Variants in RFX3 observed in about 807,000 individuals in gnomAD.
RFX3 encodes regulatory factor X3, also known as transcription factor RFX3.
RFX3 carries 14 observed loss-of-function variants against 98.6 expected under a neutral mutation model. The ratio of observed to expected loss-of-function variants is 0.14; its 90% confidence interval spans 0.09 to 0.22. The LOEUF (loss-of-function observed/expected upper bound fraction) is 0.22, where lower values mean the gene tolerates loss of function less well. Among genes scored for constraint, RFX3 ranks in the 10% least tolerant of loss-of-function variants. The pLI, the probability that RFX3 is intolerant of heterozygous loss-of-function variation, is 1.00. For missense variants in RFX3, 639 were observed against 926.9 expected (o/e 0.69, Z 4.03); for synonymous variants, 383 against 328.4 (o/e 1.17, Z -1.80).
chr9:3,410,479 G>A lies in RFX3; in HGVS notation c.-8-14883C>T, dbSNP rs375912589. Among the ~76,000 whole-genome samples, 199 of 152,024 alleles carry A rather than the reference G, an allele frequency of 1.3e-3. 1 individual carries two copies. The highest frequency in any genetic ancestry group is 4.6e-3 in the African/African-American group (189 of 41,466). On this transcript the variant is annotated intron_variant, in intron 1 of 16. Transcript: ENST00000617270. ...AAAAAGACTAATTTCTAGTTTTCCT[G>A]GAAGAGGGAAAAAGCAAAATTCAAC...
At chr9:3,487,800 T>C (rs561402433) in intron 1 of RFX3, among the ~76,000 whole-genome samples, 1 of 152,316 alleles carries the variant, frequency 6.6e-6, no homozygotes, top group Non-Finnish European at 1.5e-5. Flanking sequence ...AAATATGATT[T>C]AAAAATTATT....
intron 15 of RFX3, among the ~76,000 whole-genome samples, chr9:3,242,567 C>A (rs1024256386): frequency 1.6e-4 from 24 of 152,230 alleles, no homozygotes; most frequent in African/African-American, 5.5e-4. Flanking sequence ...TTTGATTTTA[C>A]TTTAAGCACC....
intron 4 of RFX3, among the ~76,000 whole-genome samples, chr9:3,311,320 G>A (rs2991301): frequency 0.13 from 19,075 of 152,162 alleles, 1,259 homozygotes; most frequent in Middle Eastern, 0.19. Flanking sequence ...GATCAGGTAA[G>A]ACAGAACATT....
At chr9:3,381,892 T>G (rs1468121999) in intron 2 of RFX3, among the ~76,000 whole-genome samples, 1 of 152,190 alleles carries the variant, frequency 6.6e-6, no homozygotes, top group East Asian at 1.9e-4. Context: ...AAAAGTTATA[T>G]ATATTACTAC....
At chr9:3,371,227 G>C (rs950413077) in intron 2 of RFX3, among the ~76,000 whole-genome samples, 1 of 152,120 alleles carries the variant, frequency 6.6e-6, no homozygotes, top group Non-Finnish European at 1.5e-5. Flanking sequence ...TCTGTTCATA[G>C]TGCTAGCAAT....
In RFX3 at chr9:3,493,415, T is replaced by C. The variant is rs537729182; in HGVS notation, c.-9+32332A>G. Among the ~76,000 whole-genome samples the C allele has an allele frequency of 5.0e-4, 76 of 152,128 alleles. No homozygotes were observed. The East Asian group carries it at 0.014, about 28-fold the overall frequency. On this transcript the variant is annotated intron_variant, in intron 1 of 16. Coordinates refer to ENST00000617270, the MANE Select transcript of RFX3 (RefSeq NM_001282116.2). ...AAAATATACACTGGGCCAGGCGCGG[T>C]GGCTCACACCTGTAATCCCAGCACT...
chr9:3,395,538 T>C lies in RFX3; in HGVS notation c.51A>G (p.Gln17=). The change falls in exon 2 of 17, where the codon CAA becomes CAG. Residue 17 remains glutamine (Q), a synonymous_variant. Coordinates refer to ENST00000617270, the MANE Select transcript of RFX3 (RefSeq NM_001282116.2). ...CTGCTGCTTGACTAGCCACAGATGT[T>C]TGTAAGGTCACTGTCGAGCCTGTGT... ...GSDTGSTVTL[Q]TSVASQAAVP... The C allele has an allele frequency of 1.2e-6, 2 of 1,614,146 alleles. No homozygotes were observed. The highest frequency in any genetic ancestry group is 1.7e-6 in the Non-Finnish European group (2 of 1,179,992).
intron 1 of RFX3, among the ~76,000 whole-genome samples, chr9:3,504,941 TA>T (rs1564185902): frequency 8.3e-5 from 6 of 72,516 alleles, no homozygotes; most frequent in South Asian, 4.0e-4. Context: ...ATATAATATA[TA>T]TAATATAATA....
chr9:3,407,547 G>T (rs1842076705), intron 1 of RFX3, among the ~76,000 whole-genome samples: 1 of 152,054 alleles, frequency 6.6e-6, no homozygotes, highest in African/African-American at 2.4e-5. Flanking sequence ...AAGTCAAGGA[G>T]CAACATGTTG....
chr9:3,266,149 G>C, intron 12 of RFX3, 59 bp downstream of exon 12: 1 of 1,002,410 alleles, frequency 1.0e-6, no homozygotes, highest in African/African-American at 1.6e-5. Context: ...TAGATGTAAA[G>C]TTCACAATTC....
intron 1 of RFX3, among the ~76,000 whole-genome samples, chr9:3,464,689 G>A (rs922813812): frequency 5.9e-5 from 9 of 152,134 alleles, no homozygotes; most frequent in African/African-American, 2.2e-4. Flanking sequence ...GGTTGTAATG[G>A]TGGAACACAA....
intron 2 of RFX3, among the ~76,000 whole-genome samples, chr9:3,358,568 C>T (rs1836041352): frequency 6.6e-6 from 1 of 152,100 alleles, no homozygotes; most frequent in African/African-American, 2.4e-5. Flanking sequence ...TTTACACTAC[C>T]TACCAAGTTA....
intron 1 of RFX3, among the ~76,000 whole-genome samples, chr9:3,449,881 G>GA (rs1846414857): frequency 9.1e-6 from 1 of 109,722 alleles, no homozygotes; most frequent in Non-Finnish European, 2.0e-5. Flanking sequence ...AAAAAAAAAA[G>GA]AAAAGAAAAA....
chr9:3,352,194 T>C (rs1835224312), intron 2 of RFX3, among the ~76,000 whole-genome samples: 1 of 152,130 alleles, frequency 6.6e-6, no homozygotes, highest in South Asian at 2.1e-4. Context: ...TGATTAGCTT[T>C]GTGTATACAA....
At chr9:3,240,442 G>A (rs1819758842) in intron 15 of RFX3, among the ~76,000 whole-genome samples, 1 of 152,070 alleles carries the variant, frequency 6.6e-6, no homozygotes, top group Non-Finnish European at 1.5e-5. Flanking sequence ...TTCTATCAGA[G>A]GACTATATCT....
chr9:3,479,630 T>C (rs866763873), intron 1 of RFX3, among the ~76,000 whole-genome samples: 32 of 152,164 alleles, frequency 2.1e-4, no homozygotes, highest in African/African-American at 7.7e-4. Flanking sequence ...CTCTCAGTCC[T>C]AAACGGCCTC....
intron 1 of RFX3, among the ~76,000 whole-genome samples, chr9:3,486,759 T>C (rs1187689029): frequency 1.3e-5 from 2 of 152,214 alleles, no homozygotes; most frequent in East Asian, 3.8e-4. Context: ...GTCTAAACAG[T>C]TACTTCGAAT....
At chr9:3,498,529 AGTT>A (rs1420067889) in intron 1 of RFX3, among the ~76,000 whole-genome samples, 1 of 152,040 alleles carries the variant, frequency 6.6e-6, no homozygotes, top group Non-Finnish European at 1.5e-5. Context: ...TACACTTTTA[AGTT>A]GTTGATAAAC....
chr9:3,522,436 G>T (rs574371296), intron 1 of RFX3, among the ~76,000 whole-genome samples: 1 of 152,106 alleles, frequency 6.6e-6, no homozygotes, highest in Non-Finnish European at 1.5e-5. Context: ...AAATAACCAG[G>T]AGCCTCTCAA....
Sources: allele counts gnomAD v4.1 joint callset (sites outside exome capture counted in the v4.1 genomes callset), GRCh38; gene constraint gnomAD v4.1.1; transcripts MANE v1.5; gene names NCBI Gene and HGNC (gene_info 2026-07-23, HGNC 2026-07-21).